ATXN7L1: variants seen among roughly 807,000 people sequenced by gnomAD.
ATXN7L1 encodes the protein ataxin-7-like protein 1.
In ATXN7L1, 15 loss-of-function variants were observed where a neutral mutation model predicts 70.8. The observed-to-expected ratio is 0.21, with a 90% CI of 0.14 to 0.33. The LOEUF is 0.33. Among genes scored for constraint, ATXN7L1 ranks in the 10% least tolerant of loss-of-function variants. ATXN7L1 has a pLI of 1.00. For missense variants in ATXN7L1, 975 were observed against 1,097.1 expected (o/e 0.89, Z 1.57); for synonymous variants, 440 against 445.1 (o/e 0.99, Z 0.14).
chr7:105,760,696 C>T, intron 3 of ATXN7L1: 1 of 421,168 alleles, frequency 2.4e-6, no homozygotes, highest in Non-Finnish European at 3.2e-6. Flanking sequence ...AGGGAGAGCT[C>T]ATCTAGTTGT....
chr7:105,845,074 G>A (rs1217771618), intron 2 of ATXN7L1, among the ~76,000 whole-genome samples: 32 of 151,502 alleles, frequency 2.1e-4, no homozygotes, highest in African/African-American at 5.6e-4. Flanking sequence ...GCATCGTGGC[G>A]GGTGCCTGTA....
chr7:105,719,978 G>C (rs893692689), intron 3 of ATXN7L1, among the ~76,000 whole-genome samples: 2 of 152,178 alleles, frequency 1.3e-5, no homozygotes, highest in African/African-American at 4.8e-5. Flanking sequence ...CAAAACCCAG[G>C]TGATCATATA....
chr7:105,695,137 A>G (rs1260716713), intron 3 of ATXN7L1, among the ~76,000 whole-genome samples: 1 of 150,732 alleles, frequency 6.6e-6, no homozygotes, highest in African/African-American at 2.4e-5. Flanking sequence ...AAATACAAAA[A>G]TTAGCCGGGC....
intron 3 of ATXN7L1, among the ~76,000 whole-genome samples, chr7:105,754,631 A>C (rs1003454980): frequency 3.3e-5 from 5 of 151,990 alleles, no homozygotes; most frequent in Non-Finnish European, 5.9e-5. Flanking sequence ...AGCATATTTT[A>C]AATTTTTTTG....
rs11764852 is a variant in ATXN7L1 at position 105,856,863 on chromosome 7, C to T, written c.250+18949G>A. On this transcript the variant is annotated intron_variant, in intron 2 of 11. Coordinates refer to ENST00000419735, the MANE Select transcript of ATXN7L1 (RefSeq NM_020725.2). ...AGAGAGAAAATAACTCTCCCTCCAG[C>T]ACCCTGAATGGAGAAAGCAAAACAA... 5.0e-3 allele frequency among the ~76,000 whole-genome samples: 764 copies of T among 152,112 alleles called. 4 individuals carry two copies. The highest frequency in any genetic ancestry group is 9.2e-3 in the Non-Finnish European group (627 of 68,006).
At chr7:105,802,692 C>T (rs1807004165) in intron 2 of ATXN7L1, among the ~76,000 whole-genome samples, 1 of 152,218 alleles carries the variant, frequency 6.6e-6, no homozygotes, top group Non-Finnish European at 1.5e-5. Context: ...TCCCACCTTT[C>T]TGTAACACCA....
At chr7:105,812,430 C>G (rs1226345897) in intron 2 of ATXN7L1, among the ~76,000 whole-genome samples, 3 of 152,192 alleles carry the variant, frequency 2.0e-5, no homozygotes, top group African/African-American at 7.2e-5. Context: ...CTTGAGAGAT[C>G]TAACTCAGAC....
chr7:105,630,284 A>C (rs1182253394), intron 7 of ATXN7L1, among the ~76,000 whole-genome samples: 1 of 152,178 alleles, frequency 6.6e-6, no homozygotes, highest in Non-Finnish European at 1.5e-5. Context: ...AATCTTACTA[A>C]AATAACAGTA....
intron 3 of ATXN7L1, among the ~76,000 whole-genome samples, chr7:105,753,974 C>CG (rs57343596): frequency 0.13 from 19,107 of 152,164 alleles, 1,534 homozygotes; most frequent in East Asian, 0.4. Flanking sequence ...GCTCTGCCCC[C>CG]CCAAAAGCCA....
chr7:105,662,544 A>T (rs1801881897), intron 4 of ATXN7L1, among the ~76,000 whole-genome samples: 1 of 152,116 alleles, frequency 6.6e-6, no homozygotes, highest in Non-Finnish European at 1.5e-5. Flanking sequence ...CTTTTGGGCG[A>T]GTGCTTTTTG....
At chr7:105,827,682 T>C (rs1375206044) in intron 2 of ATXN7L1, among the ~76,000 whole-genome samples, 2 of 152,204 alleles carry the variant, frequency 1.3e-5, no homozygotes, top group African/African-American at 4.8e-5. Flanking sequence ...CAATTCTCCG[T>C]GTACACTAAG....
chr7:105,675,900 T>C (rs1012522325), intron 3 of ATXN7L1, among the ~76,000 whole-genome samples: 12 of 149,066 alleles, frequency 8.1e-5, no homozygotes, highest in African/African-American at 2.5e-4. Context: ...TTTTTTTTTT[T>C]CTTAGCATTT....
chr7:105,833,151 G>A (rs1289320374), intron 2 of ATXN7L1, among the ~76,000 whole-genome samples: 1 of 152,044 alleles, frequency 6.6e-6, no homozygotes, highest in Non-Finnish European at 1.5e-5. Context: ...ACCCTATCAT[G>A]TTCCCCTTCC....
intron 3 of ATXN7L1, among the ~76,000 whole-genome samples, chr7:105,716,212 C>A (rs1794525568): frequency 1.3e-5 from 2 of 152,016 alleles, no homozygotes; most frequent in Non-Finnish European, 2.9e-5. Context: ...CTACATACTT[C>A]ATTATATAAA....
At chr7:105,634,746 A>G (rs925395809) in intron 7 of ATXN7L1, among the ~76,000 whole-genome samples, 3 of 152,150 alleles carry the variant, frequency 2.0e-5, no homozygotes, top group Admixed American at 6.5e-5. Context: ...ACTGAGAAAC[A>G]GATGTAGAAA....
intron 2 of ATXN7L1, among the ~76,000 whole-genome samples, chr7:105,848,747 T>C (rs769829507): frequency 3.9e-5 from 6 of 152,172 alleles, no homozygotes; most frequent in Non-Finnish European, 8.8e-5. Flanking sequence ...AAAAGCATCA[T>C]TAAATAAATC....
intron 3 of ATXN7L1, among the ~76,000 whole-genome samples, chr7:105,733,560 ATCCATCCT>A (rs1796877116): frequency 1.7e-5 from 2 of 120,112 alleles, no homozygotes; most frequent in Non-Finnish European, 1.8e-5. Context: ...CCATCCACCC[ATCCATCCT>A]TCCATCCATC....
intron 2 of ATXN7L1, among the ~76,000 whole-genome samples, chr7:105,869,568 A>G (rs1817946268): frequency 6.6e-6 from 1 of 152,290 alleles, no homozygotes; most frequent in South Asian, 2.1e-4. Flanking sequence ...ACATGCTCCT[A>G]TGTTCTCTGC....
chr7:105,717,276 C>T (rs474792), intron 3 of ATXN7L1, among the ~76,000 whole-genome samples: 73,853 of 151,866 alleles, frequency 0.49, 18,650 homozygotes, highest in East Asian at 0.6. Context: ...TATAGGTGGA[C>T]GCCACCACGC....
Sources: gnomAD v4.1 joint callset for allele counts (sites outside exome capture counted in the v4.1 genomes callset) on GRCh38, gnomAD v4.1.1 for gene constraint, MANE v1.5 for transcripts, NCBI Gene and HGNC (gene_info 2026-07-23, HGNC 2026-07-21) for gene names.